The following TNFSF13B variants were observed in gnomAD, a reference collection of about 807,000 sequenced individuals.
TNFSF13B encodes tumor necrosis factor ligand superfamily member 13B.
TNFSF13B carries 8 observed loss-of-function variants against 29.1 expected under a neutral mutation model. That is an observed-to-expected ratio of 0.27 (90% confidence interval 0.16 to 0.50). The LOEUF (loss-of-function observed/expected upper bound fraction) is 0.50. TNFSF13B is among the 20% of genes least tolerant of loss of function. The pLI is 0.98. For missense variants in TNFSF13B, 248 were observed against 334.9 expected (o/e 0.74, Z 2.03); for synonymous variants, 125 against 130.8 (o/e 0.96, Z 0.30).
intron 1 of TNFSF13B, 25 bp downstream of exon 1, chr13:108,270,259 G>A: frequency 6.2e-7 from 1 of 1,610,940 alleles, no homozygotes; most frequent in Non-Finnish European, 8.5e-7. Flanking sequence ...GCTGCAAGAC[G>A]CAGGCAAGAT....
intron 3 of TNFSF13B, among the ~76,000 whole-genome samples, chr13:108,288,083 A>G (rs1881195169): frequency 6.6e-6 from 1 of 152,156 alleles, no homozygotes; most frequent in African/African-American, 2.4e-5. Flanking sequence ...TGTTTCATCC[A>G]GTTTTTCACA....
At position 108,307,447 on chromosome 13, in the gene TNFSF13B, A is replaced by G. The variant is rs942801483; in HGVS notation, c.*509A>G. On this transcript the variant is annotated 3_prime_UTR_variant, in exon 6 of 6. Coordinates refer to ENST00000375887, the MANE Select transcript of TNFSF13B (RefSeq NM_006573.5). ...AAAGTAAAAAATGAAAATTTTAGAA[A>G]TCTTGCATTAGACACATGAAAAAAT... is the stretch of plus-strand genomic sequence containing the variant. 1.3e-5 allele frequency: 2 copies of G among 152,214 alleles called. No individual in the cohort carries two copies. The highest frequency in any genetic ancestry group is 2.9e-5 in the Non-Finnish European group (2 of 68,080). The allele number at this position is 152,214 out of a possible 1,614,324, so 9.4% of individuals were successfully genotyped here.
intron 5 of TNFSF13B, among the ~76,000 whole-genome samples, chr13:108,306,611 T>C (rs1307844225): frequency 6.6e-6 from 1 of 152,014 alleles, no homozygotes; most frequent in Non-Finnish European, 1.5e-5. Context: ...AGGTGATAAA[T>C]GCATACATAT....
At chr13:108,306,732 A>AT (rs11381410) in intron 5 of TNFSF13B, 94 bp from the exon 6 acceptor site, 349,783 of 583,444 alleles carry the variant, frequency 0.6, 82,608 homozygotes, top group African/African-American at 0.76. Flanking sequence ...CTATGTTAAC[A>AT]TTTTTTTTTT....
intron 3 of TNFSF13B, among the ~76,000 whole-genome samples, chr13:108,287,109 G>A (rs924123739): frequency 1.5e-5 from 2 of 133,280 alleles, no homozygotes; most frequent in Admixed American, 7.8e-5. Context: ...ATCACACACC[G>A]GGGCCTGTTG....
chr13:108,288,101 G>C (rs139882647), intron 3 of TNFSF13B, among the ~76,000 whole-genome samples: 1 of 152,086 alleles, frequency 6.6e-6, no homozygotes, highest in African/African-American at 2.4e-5. Flanking sequence ...ACAAATTTTT[G>C]TGACTATGCT....
In TNFSF13B at chr13:108,269,759, A is replaced by G; in HGVS notation, c.-137A>G. On this transcript the variant is annotated 5_prime_UTR_variant, in exon 1 of 6. Transcript: ENST00000375887. ...AAAGGCAGAAAGGAGAAAATTCAGG[A>G]TAACTCTCCTGAGGGGTGAGCCAAG... The G allele has an allele frequency of 3.8e-6, 3 of 789,422 alleles. No individual in the cohort carries two copies. In the Admixed American group the frequency reaches 7.6e-5, roughly 20 times the overall value. The allele number at this position is 789,422 out of a possible 1,614,324, so 48.9% of individuals were successfully genotyped here.
At chr13:108,272,488 G>A (rs576160558) in intron 2 of TNFSF13B, among the ~76,000 whole-genome samples, 8 of 152,070 alleles carry the variant, frequency 5.3e-5, no homozygotes, top group Admixed American at 4.6e-4. Context: ...TGAGTGTTTT[G>A]TTTTAACTCA....
intron 3 of TNFSF13B, 135 bp from the exon 4 acceptor site, chr13:108,303,118 T>G (rs948370160): frequency 1.1e-5 from 8 of 729,394 alleles, no homozygotes; most frequent in Middle Eastern, 3.6e-4. Flanking sequence ...CCTTTTTCCT[T>G]TTTTTTCTTT....
intron 2 of TNFSF13B, among the ~76,000 whole-genome samples, chr13:108,282,734 A>T (rs1417546602): frequency 6.6e-6 from 1 of 152,198 alleles, no homozygotes; most frequent in East Asian, 1.9e-4. Flanking sequence ...TTATAAGATT[A>T]TGTATTTTAC....
intron 2 of TNFSF13B, among the ~76,000 whole-genome samples, chr13:108,277,190 G>T (rs1880785080): frequency 6.6e-6 from 1 of 152,098 alleles, no homozygotes; most frequent in East Asian, 1.9e-4. Flanking sequence ...GGGCATTATT[G>T]TTTTCATTTT....
chr13:108,304,617 A>G (rs1018519734), intron 5 of TNFSF13B, among the ~76,000 whole-genome samples: 2 of 152,180 alleles, frequency 1.3e-5, no homozygotes, highest in African/African-American at 4.8e-5. Context: ...TTGATTTTGT[A>G]AAAATCCAGA....
chr13:108,291,768 T>A (rs1199722606), intron 3 of TNFSF13B, among the ~76,000 whole-genome samples: 2 of 152,026 alleles, frequency 1.3e-5, no homozygotes, highest in Non-Finnish European at 2.9e-5. Context: ...TATAAATCAA[T>A]TTACATTTAC....
intron 3 of TNFSF13B, among the ~76,000 whole-genome samples, chr13:108,289,585 T>G (rs1165088590): frequency 6.8e-6 from 1 of 146,094 alleles, no homozygotes; most frequent in African/African-American, 2.5e-5. Flanking sequence ...ATATAATGTA[T>G]TATAATAATT....
At chr13:108,300,343 C>G (rs991953524) in intron 3 of TNFSF13B, among the ~76,000 whole-genome samples, 1 of 152,294 alleles carries the variant, frequency 6.6e-6, no homozygotes, top group African/African-American at 2.4e-5. Flanking sequence ...GGGAAAATGA[C>G]AGGGAACCAA....
At chr13:108,275,030 C>T (rs897889357) in intron 2 of TNFSF13B, among the ~76,000 whole-genome samples, 3 of 152,116 alleles carry the variant, frequency 2.0e-5, no homozygotes, top group Non-Finnish European at 4.4e-5. Flanking sequence ...ACCAAAATCT[C>T]ATTAAGCTTA....
At chr13:108,302,972 G>A (rs971864522) in intron 3 of TNFSF13B, 28 of 562,940 alleles carry the variant, frequency 5.0e-5, no homozygotes, top group East Asian at 2.1e-4. Context: ...TGAAATAGCC[G>A]AAATATAGAC....
rs1224138926 is a variant in TNFSF13B at position 108,297,880 on chromosome 13, A to G, written c.482-5373A>G. Among the ~76,000 whole-genome samples, 4 of 146,018 alleles carry G rather than the reference A, an allele frequency of 2.7e-5. No homozygotes were observed. The East Asian group carries it at 7.7e-4, about 28-fold the overall frequency. ...CTTAATGTTTTACTTTCTATAGGTT[A>G]GCACAAATGCATAATGGCATGTATC... On this transcript the variant is annotated intron_variant, in intron 3 of 5. Transcript: ENST00000375887.
chr13:108,286,725 T>G (rs1881148335), intron 2 of TNFSF13B, 78 bp from the exon 3 acceptor site: 4 of 853,166 alleles, frequency 4.7e-6, no homozygotes, highest in Admixed American at 4.9e-5. Context: ...TCTGGAAGAG[T>G]GGGTTTCTAG....
Sources: allele counts gnomAD v4.1 joint callset (sites outside exome capture counted in the v4.1 genomes callset), GRCh38; gene constraint gnomAD v4.1.1; transcripts MANE v1.5; gene names NCBI Gene and HGNC (gene_info 2026-07-23, HGNC 2026-07-21).